The following LDB2 variants were observed in gnomAD, a reference collection of about 807,000 sequenced individuals.
LDB2 encodes LIM domain binding 2.
Under a neutral mutation model 44.3 loss-of-function variants are expected in LDB2, and 12 were observed. That is an observed-to-expected ratio of 0.27 (90% CI 0.17 to 0.44). The LOEUF (loss-of-function observed/expected upper bound fraction) is 0.44. LDB2 is among the 20% of genes least tolerant of loss of function. The probability of loss-of-function intolerance (pLI) is 1.00; values close to 1 mark genes in which losing one functional copy is unlikely to be tolerated. For missense variants in LDB2, 344 were observed against 473.5 expected, an observed-to-expected ratio of 0.73 and a Z score of 2.54; for synonymous variants, 164 against 174.8, an observed-to-expected ratio of 0.94 and a Z score of 0.49.
intron 1 of LDB2, among the ~76,000 whole-genome samples, chr4:16,795,082 C>T (rs999291414): frequency 2.6e-5 from 4 of 152,264 alleles, no homozygotes; most frequent in East Asian, 1.9e-4. Context: ...AATAGGATCT[C>T]GATGGAGAGC....
rs995550350 is a variant in LDB2 at position 16,582,334 on chromosome 4, C to T, written c.615+3588G>A. ...GGCTCCACAGCCAGGTCTCATTGACCCGGATGGCCCAATGCGCACTAAACT... is the reference window on the plus strand; with the variant it reads ...GGCTCCACAGCCAGGTCTCATTGACTCGGATGGCCCAATGCGCACTAAACT... On this transcript the variant is annotated intron_variant, in intron 5 of 7. Transcript: ENST00000304523. The surrounding 1 kb of genome is among the most constrained non-coding windows in gnomAD (Gnocchi z 4.8). Among the ~76,000 whole-genome samples the T allele has an allele frequency of 1.3e-5, 2 of 152,152 alleles. No homozygotes were observed. The highest frequency in any genetic ancestry group is 4.8e-5 in the African/African-American group (2 of 41,430).
chr4:16,890,412 C>T (rs574670555), intron 1 of LDB2, among the ~76,000 whole-genome samples: 104 of 152,248 alleles, frequency 6.8e-4, no homozygotes, highest in African/African-American at 2.4e-3. Flanking sequence ...GCTGGGGGCT[C>T]GCAATGTCAC....
At chr4:16,592,261 T>C (rs1435203597) in intron 3 of LDB2, among the ~76,000 whole-genome samples, 2 of 152,102 alleles carry the variant, frequency 1.3e-5, no homozygotes, top group African/African-American at 4.8e-5. Flanking sequence ...ACTGTGTATA[T>C]AGCTGCATAA....
intron 1 of LDB2, among the ~76,000 whole-genome samples, chr4:16,816,069 G>A (rs1780827129): frequency 6.6e-6 from 1 of 152,108 alleles, no homozygotes; most frequent in Non-Finnish European, 1.5e-5. Flanking sequence ...TTAGCCAGGT[G>A]TGGTGGTGGG....
intron 1 of LDB2, among the ~76,000 whole-genome samples, chr4:16,866,829 T>C (rs1020761744): frequency 2.6e-5 from 4 of 152,200 alleles, no homozygotes; most frequent in African/African-American, 9.7e-5. Flanking sequence ...CCTGTGTTGT[T>C]TGCAGAGTAT....
At chr4:16,889,721 A>G (rs901261756) in intron 1 of LDB2, among the ~76,000 whole-genome samples, 4 of 152,220 alleles carry the variant, frequency 2.6e-5, no homozygotes, top group African/African-American at 9.7e-5. Context: ...ATGATGTGTA[A>G]GACAATCAGG....
chr4:16,623,871 G>C (rs1325091877), intron 2 of LDB2, among the ~76,000 whole-genome samples: 1 of 151,996 alleles, frequency 6.6e-6, no homozygotes, highest in East Asian at 1.9e-4. Context: ...TAAGCAAACT[G>C]TTTTCAGCCC....
At chr4:16,773,123 A>T (rs529489064) in intron 1 of LDB2, among the ~76,000 whole-genome samples, 1 of 152,350 alleles carries the variant, frequency 6.6e-6, no homozygotes, top group Admixed American at 6.5e-5. Flanking sequence ...AAACATGTAA[A>T]TAAAGAAAGC....
At chr4:16,599,216 G>A (rs1237748589) in intron 2 of LDB2, among the ~76,000 whole-genome samples, 2 of 152,166 alleles carry the variant, frequency 1.3e-5, no homozygotes, top group Non-Finnish European at 2.9e-5. Flanking sequence ...CTGGGCTGAA[G>A]TCAGGTTGTC....
At chr4:16,892,830 C>T (rs1217316287) in intron 1 of LDB2, among the ~76,000 whole-genome samples, 3 of 151,954 alleles carry the variant, frequency 2.0e-5, no homozygotes, top group East Asian at 1.9e-4. Flanking sequence ...AAATGCATAG[C>T]GTTTAAATCC....
At chr4:16,844,919 A>C (rs1485263528) in intron 1 of LDB2, among the ~76,000 whole-genome samples, 1 of 152,234 alleles carries the variant, frequency 6.6e-6, no homozygotes, top group Non-Finnish European at 1.5e-5. Context: ...TAAAAGGTAC[A>C]AGAGGGAAAA....
intron 2 of LDB2, among the ~76,000 whole-genome samples, chr4:16,737,595 A>G (rs929903713): frequency 2.0e-5 from 3 of 152,240 alleles, no homozygotes; most frequent in Non-Finnish European, 2.9e-5. Flanking sequence ...TTCATAAAAC[A>G]GAACATTTCA....
At chr4:16,613,054 A>C (rs928856805) in intron 2 of LDB2, among the ~76,000 whole-genome samples, 4 of 152,152 alleles carry the variant, frequency 2.6e-5, no homozygotes, top group Admixed American at 6.5e-5. Flanking sequence ...CAACATATGC[A>C]ACATATGCAA....
intron 2 of LDB2, among the ~76,000 whole-genome samples, chr4:16,755,308 A>G (rs150240061): frequency 6.6e-6 from 1 of 152,354 alleles, no homozygotes; most frequent in Non-Finnish European, 1.5e-5. Flanking sequence ...AGAACTGCAG[A>G]GCAGGTGCAC....
chr4:16,809,649 A>C (rs940345057), intron 1 of LDB2, among the ~76,000 whole-genome samples: 1 of 151,394 alleles, frequency 6.6e-6, no homozygotes, highest in Non-Finnish European at 1.5e-5. Flanking sequence ...AGTGACTACA[A>C]GTTTTGTACC....
At chr4:16,611,457 T>C (rs973943722) in intron 2 of LDB2, among the ~76,000 whole-genome samples, 1 of 151,794 alleles carries the variant, frequency 6.6e-6, no homozygotes, top group Non-Finnish European at 1.5e-5. Flanking sequence ...GTGCGCTGTA[T>C]TCAGGAGACC....
At chr4:16,717,957 T>A (rs1757439018) in intron 2 of LDB2, among the ~76,000 whole-genome samples, 1 of 152,146 alleles carries the variant, frequency 6.6e-6, no homozygotes, top group Non-Finnish European at 1.5e-5. Context: ...GAAGCTCTAT[T>A]TTTCAATAGC....
chr4:16,587,108 C>T (rs910282983), intron 4 of LDB2, among the ~76,000 whole-genome samples: 1 of 152,162 alleles, frequency 6.6e-6, no homozygotes, highest in Non-Finnish European at 1.5e-5. Context: ...TTTGTTCTAT[C>T]AAGTAGCCAG....
chr4:16,802,709 T>A (rs970518351), intron 1 of LDB2, among the ~76,000 whole-genome samples: 1 of 152,122 alleles, frequency 6.6e-6, no homozygotes, highest in Non-Finnish European at 1.5e-5. Context: ...CTCCCATAAT[T>A]CCCACGTGTT....
Sources: gnomAD v4.1 joint callset for allele counts (sites outside exome capture counted in the v4.1 genomes callset) on GRCh38, gnomAD v4.1.1 for gene constraint, Gnocchi (gnomAD v3.1) non-coding constraint, MANE v1.5 for transcripts, NCBI Gene and HGNC (gene_info 2026-07-23, HGNC 2026-07-21) for gene names.